Variants in NAF1 observed in about 807,000 individuals in gnomAD.
The protein encoded by NAF1 is H/ACA ribonucleoprotein complex non-core subunit NAF1.
Under a neutral mutation model 40.6 loss-of-function variants are expected in NAF1, and 11 were observed. That is an observed-to-expected ratio of 0.27 (90% CI 0.17 to 0.45). The LOEUF is 0.45. NAF1 is among the 20% of genes least tolerant of loss of function. The probability of loss-of-function intolerance (pLI) is 1.00; values close to 1 mark genes in which losing one functional copy is unlikely to be tolerated. For missense variants in NAF1, 607 were observed against 611.1 expected, an observed-to-expected ratio of 0.99 and a Z score of 0.07; for synonymous variants, 260 against 228.5, an observed-to-expected ratio of 1.14 and a Z score of -1.24.
At chr4:163,130,628 A>G (rs1730833948) in intron 7 of NAF1, among the ~76,000 whole-genome samples, 1 of 152,226 alleles carries the variant, frequency 6.6e-6, no homozygotes. Flanking sequence ...ATACAAAAAT[A>G]GACCCACATA....
chr4:163,133,172 A>G lies in NAF1; in HGVS notation c.1015T>C (p.Ser339Pro), dbSNP rs778866863. The G allele has an allele frequency of 3.1e-6, 5 of 1,613,626 alleles. No individual in the cohort carries two copies. In the Admixed American group the frequency reaches 8.3e-5, roughly 27 times the overall value. ...SQIQGRKKLK[S>P]EFNEPGEDFT... ...CACTCACCAGGCTCATTAAATTCAGATTTGAGTTTTTTCCGGCCTTGAATC... is the reference window on the plus strand; with the variant it reads ...CACTCACCAGGCTCATTAAATTCAGGTTTGAGTTTTTTCCGGCCTTGAATC... The change falls in exon 7 of 8, where the codon TCT (serine) becomes CCT (proline). Residue 339 changes from serine to proline, a missense_variant. Coordinates refer to ENST00000274054, the MANE Select transcript of NAF1 (RefSeq NM_138386.3).
Position 163,137,196 on chromosome 4 carries a change from T to TA in NAF1, c.930+2dup, listed in dbSNP as rs1244416650. ...AATGTTGCATAAAAAGACTTATACT[T>TA]ACCTCTGGTGGTGGTTCCTGATCAT... On this transcript the variant is annotated splice_region_variant and intron_variant, in intron 6 of 7. Transcript: ENST00000274054. The TA allele has an allele frequency of 3.1e-6, 5 of 1,612,392 alleles. No individual in the cohort carries two copies. In the African/African-American group the frequency reaches 6.7e-5, roughly 22 times the overall value.
At position 163,129,309 on chromosome 4, in the gene NAF1, T is replaced by C. The variant is rs1252654433; in HGVS notation, c.1073A>G (p.His358Arg). Residue 358 changes from histidine to arginine, a missense_variant, in exon 8 of 8, where the codon CAT (histidine) becomes CGT (arginine). Physicochemically the swap from His to Arg is conservative, Grantham distance 29 (BLOSUM62 0). Transcript: ENST00000274054. ...FTEVHQNWNA[H>R]SSASEHAKGY... ...TTTTGCATGCTCTGAAGCAGAGCTATGAGCATTCCAATTCTGATGTACTTC... is the reference window on the plus strand; with the variant it reads ...TTTTGCATGCTCTGAAGCAGAGCTACGAGCATTCCAATTCTGATGTACTTC... The C allele has an allele frequency of 1.2e-6, 2 of 1,613,046 alleles. No individual in the cohort carries two copies. Among genetic ancestry groups the C allele is most frequent in the Non-Finnish European group, 1.7e-6 (2 of 1,178,978 alleles).
chr4:163,140,475 G>T, intron 4 of NAF1, 92 bp from the exon 5 acceptor site: 1 of 1,100,830 alleles, frequency 9.1e-7, no homozygotes, highest in Non-Finnish European at 1.3e-6. Flanking sequence ...ACTGATAATT[G>T]CCAGAACAAG....
At chr4:163,161,411 T>C (rs1361598384) in intron 2 of NAF1, among the ~76,000 whole-genome samples, 1 of 151,744 alleles carries the variant, frequency 6.6e-6, no homozygotes, top group Non-Finnish European at 1.5e-5. Context: ...AGGTGGAGGT[T>C]ACAGTGAGTC....
chr4:163,121,417 A>G (rs879104265), intron 2 of NAF1, among the ~76,000 whole-genome samples: 1 of 152,212 alleles, frequency 6.6e-6, no homozygotes, highest in African/African-American at 2.4e-5. Flanking sequence ...AAGGACACAA[A>G]TATGTGCATT....
downstream of NAF1, among the ~76,000 whole-genome samples, chr4:163,128,019 G>A (rs931009714): frequency 8.5e-5 from 13 of 152,112 alleles, no homozygotes; most frequent in Non-Finnish European, 1.8e-4. Context: ...ATGAAAACTG[G>A]AGTATTTCAA....
At chr4:163,137,769 A>G (rs1175047782) in intron 5 of NAF1, among the ~76,000 whole-genome samples, 2 of 152,156 alleles carry the variant, frequency 1.3e-5, no homozygotes, top group African/African-American at 4.8e-5. Flanking sequence ...TCCAACACTG[A>G]TTCTCAAAGC....
intron 2 of NAF1, among the ~76,000 whole-genome samples, chr4:163,149,418 G>A (rs190435334): frequency 6.2e-4 from 94 of 152,224 alleles, no homozygotes; most frequent in Middle Eastern, 3.4e-3. Flanking sequence ...TTACCCCTAC[G>A]GAAACTTAAA....
chr4:163,144,084 C>A, intron 4 of NAF1: 1 of 914,562 alleles, frequency 1.1e-6, no homozygotes, highest in Non-Finnish European at 1.3e-6. Flanking sequence ...GTAATATAAT[C>A]GTTTAAAAAG....
chr4:163,156,289 TG>T (rs1731983170), intron 2 of NAF1, among the ~76,000 whole-genome samples: 1 of 117,460 alleles, frequency 8.5e-6, no homozygotes, highest in Non-Finnish European at 1.8e-5. Flanking sequence ...AAGGTAGAGG[TG>T]ATAGGAAAGG....
intron 1 of NAF1, 66 bp from the exon 2 acceptor site, chr4:163,164,457 T>C: frequency 1.8e-6 from 2 of 1,136,914 alleles, no homozygotes; most frequent in Admixed American, 3.7e-5. Flanking sequence ...AATAAGATTA[T>C]TCAATTAAGA....
At chr4:163,114,747 T>C (rs987676089) in intron 2 of NAF1, among the ~76,000 whole-genome samples, 6 of 152,194 alleles carry the variant, frequency 3.9e-5, no homozygotes, top group East Asian at 1.9e-4. Context: ...ATGGGTGACA[T>C]TGTCTCTTAT....
chr4:163,111,142 T>C (rs1730149778), intron 2 of NAF1, among the ~76,000 whole-genome samples: 1 of 152,174 alleles, frequency 6.6e-6, no homozygotes, highest in Non-Finnish European at 1.5e-5. Context: ...GTGACAAGTG[T>C]TGAATATATA....
intron 1 of NAF1, 49 bp downstream of exon 1, chr4:163,166,314 C>G: frequency 6.6e-7 from 1 of 1,517,638 alleles, no homozygotes; most frequent in Non-Finnish European, 8.8e-7. Context: ...CACCCCCGCC[C>G]GTCATACAAG....
At chr4:163,153,813 C>T (rs954660674) in intron 2 of NAF1, among the ~76,000 whole-genome samples, 17 of 152,114 alleles carry the variant, frequency 1.1e-4, no homozygotes, top group African/African-American at 3.6e-4. Context: ...GCAACCCGCT[C>T]GGGTCCCCTT....
intron 2 of NAF1, among the ~76,000 whole-genome samples, chr4:163,111,269 T>C (rs1217647075): frequency 2.6e-5 from 4 of 152,160 alleles, no homozygotes; most frequent in Non-Finnish European, 5.9e-5. Flanking sequence ...AAAATGTCTT[T>C]GGTAGTTGTC....
intron 5 of NAF1, among the ~76,000 whole-genome samples, chr4:163,137,810 T>A (rs991937092): frequency 1.8e-4 from 28 of 151,982 alleles, no homozygotes; most frequent in Non-Finnish European, 1.0e-4. Flanking sequence ...TAACTATGAA[T>A]AGTTGGAGGA....
intron 3 of NAF1, among the ~76,000 whole-genome samples, chr4:163,147,050 GTTTGA>G (rs138815929): frequency 0.052 from 7,897 of 152,016 alleles, 254 homozygotes; most frequent in African/African-American, 0.073. Flanking sequence ...TTAGTTGCCT[GTTTGA>G]TTTATCTATA....
Sources: allele counts gnomAD v4.1 joint callset (sites outside exome capture counted in the v4.1 genomes callset), GRCh38; gene constraint gnomAD v4.1.1; transcripts MANE v1.5; gene names NCBI Gene and HGNC (gene_info 2026-07-23, HGNC 2026-07-21).